PTPRN2: variants seen among roughly 807,000 people sequenced by gnomAD.
PTPRN2 encodes the protein protein tyrosine phosphatase receptor type N2, also known as receptor-type tyrosine-protein phosphatase N2.
In PTPRN2, 74 loss-of-function variants were observed where a neutral mutation model predicts 118.8. The observed-to-expected ratio is 0.62, with a 90% CI of 0.52 to 0.76. The LOEUF (loss-of-function observed/expected upper bound fraction) is 0.76, where lower values mean the gene tolerates loss of function less well. Ranked by LOEUF, PTPRN2 falls within the 30% of genes least tolerant of loss-of-function variation. PTPRN2 has a pLI of 0.00. For synonymous variants in PTPRN2, 641 were observed against 608.0 expected, an observed-to-expected ratio of 1.05 and a Z score of -0.80; for missense variants, 1,481 against 1,394.4, an observed-to-expected ratio of 1.06 and a Z score of -0.99.
At chr7:158,073,592 C>G (rs1252094829) in intron 11 of PTPRN2, among the ~76,000 whole-genome samples, 2 of 151,170 alleles carry the variant, frequency 1.3e-5, no homozygotes, top group African/African-American at 4.9e-5. Flanking sequence ...GAAGCCGCTT[C>G]CTACTAAGGT....
intron 11 of PTPRN2, among the ~76,000 whole-genome samples, chr7:158,072,112 A>ATGGTGGTGGAGGTGCTCG (rs1811981296): frequency 1.6e-5 from 2 of 126,992 alleles, no homozygotes; most frequent in South Asian, 2.5e-4. Context: ...GGAGGTGCTC[A>ATGGTGGTGGAGGTGCTCG]TGGTGGTGGA....
chr7:158,575,037 T>C (rs763489248), intron 1 of PTPRN2, among the ~76,000 whole-genome samples: 13 of 152,258 alleles, frequency 8.5e-5, no homozygotes, highest in African/African-American at 1.7e-4. Context: ...TCATTTATTT[T>C]ACACAGGAAA....
At chr7:158,280,503 T>G (rs1429193484) in intron 3 of PTPRN2, among the ~76,000 whole-genome samples, 1 of 152,160 alleles carries the variant, frequency 6.6e-6, no homozygotes, top group African/African-American at 2.4e-5. Context: ...GTTTAATTGG[T>G]CCTCTCCAGG....
chr7:158,365,175 C>T (rs1809337309), intron 2 of PTPRN2, among the ~76,000 whole-genome samples: 1 of 152,222 alleles, frequency 6.6e-6, no homozygotes, highest in Admixed American at 6.5e-5. Flanking sequence ...CAAGGAATCA[C>T]GCAAGTGGGA....
intron 11 of PTPRN2, among the ~76,000 whole-genome samples, chr7:157,965,161 T>C (rs1801831585): frequency 6.6e-6 from 1 of 152,196 alleles, no homozygotes; most frequent in Admixed American, 6.5e-5. Context: ...GAGCTAGCAC[T>C]CTTTGAGTAC....
chr7:158,382,835 A>G (rs1160764123), intron 2 of PTPRN2, among the ~76,000 whole-genome samples: 1 of 152,192 alleles, frequency 6.6e-6, no homozygotes, highest in African/African-American at 2.4e-5. Context: ...CAATCAATCA[A>G]TTGCTTGCAG....
At position 157,990,381 on chromosome 7, in the gene PTPRN2, C is replaced by T. The variant is rs541857362; in HGVS notation, c.1723+90917G>A. ...TTGGGCACGGGCCAGGAATGCATCA[C>T]GGCACCTGCGCACAGGGGTGGCCTC... On this transcript the variant is annotated intron_variant, in intron 11 of 22. Transcript: ENST00000389418. The surrounding 1 kb of genome is among the most constrained non-coding windows in gnomAD (Gnocchi z 4.3). Among the ~76,000 whole-genome samples the T allele has an allele frequency of 3.3e-5, 5 of 152,170 alleles. No homozygotes were observed. Among genetic ancestry groups the T allele is most frequent in the African/African-American group, 4.8e-5 (2 of 41,442 alleles).
rs979646720 is a variant in PTPRN2 at position 157,910,577 on chromosome 7, T to C, written c.1724-11840A>G. Reference sequence around the variant, plus strand: ...GCAGAATCACACACGTACACCGTTCTGCACAGCTGGCGGACGCTTCCTCTT... The same window carrying C: ...GCAGAATCACACACGTACACCGTTCCGCACAGCTGGCGGACGCTTCCTCTT... On this transcript the variant is annotated intron_variant, in intron 11 of 22. Transcript: ENST00000389418. 1.3e-5 allele frequency among the ~76,000 whole-genome samples: 2 copies of C among 152,264 alleles called. 1 individual carries two copies. Among genetic ancestry groups the C allele is most frequent in the South Asian group, 4.1e-4 (2 of 4,836 alleles).
intron 11 of PTPRN2, among the ~76,000 whole-genome samples, chr7:157,970,579 G>A (rs1470711153): frequency 6.7e-6 from 1 of 149,904 alleles, no homozygotes; most frequent in East Asian, 2.0e-4. Context: ...GCAGGGGCAT[G>A]TTTCCTCCTC....
intron 2 of PTPRN2, among the ~76,000 whole-genome samples, chr7:158,387,547 T>G (rs1811545062): frequency 6.6e-6 from 1 of 152,308 alleles, no homozygotes; most frequent in Non-Finnish European, 1.5e-5. Context: ...GGGACTGGAC[T>G]CCAGGGGGCT....
chr7:158,006,265 A>G (rs1290226534), intron 11 of PTPRN2, among the ~76,000 whole-genome samples: 5 of 152,194 alleles, frequency 3.3e-5, no homozygotes, highest in African/African-American at 9.6e-5. Context: ...GACAGATCCT[A>G]TAGGCAGCAT....
chr7:157,580,802 A>C (rs866057572), intron 17 of PTPRN2, among the ~76,000 whole-genome samples: 109 of 36,020 alleles, frequency 3.0e-3, no homozygotes, highest in Non-Finnish European at 4.1e-3. Context: ...ACACCCCAGC[A>C]CCTGCACACC....
At chr7:158,243,823 G>A (rs1397868643) in intron 3 of PTPRN2, among the ~76,000 whole-genome samples, 1 of 152,096 alleles carries the variant, frequency 6.6e-6, no homozygotes, top group Non-Finnish European at 1.5e-5. Flanking sequence ...TGTCTACTTA[G>A]TACTAACTAC....
At chr7:158,466,490 G>A (rs1035755102) in intron 2 of PTPRN2, among the ~76,000 whole-genome samples, 1 of 152,034 alleles carries the variant, frequency 6.6e-6, no homozygotes, top group Non-Finnish European at 1.5e-5. Context: ...GTTCATCCAT[G>A]TTTTGAAAAT....
At chr7:158,039,690 C>T (rs1315006608) in intron 11 of PTPRN2, among the ~76,000 whole-genome samples, 1 of 152,182 alleles carries the variant, frequency 6.6e-6, no homozygotes, top group Non-Finnish European at 1.5e-5. Flanking sequence ...GCCTCAGTTT[C>T]TTTTATCCAA....
At chr7:158,041,792 G>T (rs1808493750) in intron 11 of PTPRN2, among the ~76,000 whole-genome samples, 1 of 152,214 alleles carries the variant, frequency 6.6e-6, no homozygotes, top group African/African-American at 2.4e-5. Context: ...AGTATTGCAT[G>T]ATCTTGGTGA....
At chr7:157,786,229 C>G (rs1804028982) in intron 12 of PTPRN2, among the ~76,000 whole-genome samples, 1 of 152,210 alleles carries the variant, frequency 6.6e-6, no homozygotes, top group South Asian at 2.1e-4. Context: ...GCACCTAGGG[C>G]CCCACAGGTA....
At chr7:158,396,922 G>A (rs1586570127) in intron 2 of PTPRN2, among the ~76,000 whole-genome samples, 2 of 152,290 alleles carry the variant, frequency 1.3e-5, no homozygotes, top group East Asian at 1.9e-4. Context: ...AAAAGTACAC[G>A]AGCTTGTGAC....
chr7:158,048,953 C>T (rs1265319378), intron 11 of PTPRN2, among the ~76,000 whole-genome samples: 1 of 141,178 alleles, frequency 7.1e-6, no homozygotes, highest in Non-Finnish European at 1.6e-5. Flanking sequence ...TCACTATGGT[C>T]CCATCACTAC....
Sources: allele counts gnomAD v4.1 joint callset (sites outside exome capture counted in the v4.1 genomes callset), GRCh38; gene constraint gnomAD v4.1.1; non-coding constraint Gnocchi (gnomAD v3.1); transcripts MANE v1.5; gene names NCBI Gene and HGNC (gene_info 2026-07-23, HGNC 2026-07-21).